The following OTOA variants were observed in gnomAD, a reference collection of about 807,000 sequenced individuals.
OTOA encodes cancer/testis antigen 108.
Under a neutral mutation model 110.8 loss-of-function variants are expected in OTOA, and 70 were observed. The ratio of observed to expected loss-of-function variants is 0.63; its 90% CI spans 0.52 to 0.77. The LOEUF (loss-of-function observed/expected upper bound fraction) is 0.77. Among genes scored for constraint, OTOA ranks in the 30% least tolerant of loss-of-function variants. OTOA has a pLI of 0.00. For missense variants in OTOA, 917 were observed against 1,075.8 expected, an observed-to-expected ratio of 0.85 and a Z score of 2.06; for synonymous variants, 373 against 431.5, an observed-to-expected ratio of 0.86 and a Z score of 1.68.
chr16:21,684,489 T>A, intron 6 of OTOA: 1 of 1,549,326 alleles, frequency 6.5e-7, no homozygotes. Flanking sequence ...CATCTGGGGT[T>A]CTAAACTTCC....
chr16:21,759,422 C>T (rs1226267416), intron 28 of OTOA, among the ~76,000 whole-genome samples: 5 of 151,430 alleles, frequency 3.3e-5, no homozygotes, highest in East Asian at 1.9e-4. Flanking sequence ...ATGGCTATGC[C>T]GTAACTGTAT....
intron 9 of OTOA, among the ~76,000 whole-genome samples, chr16:21,693,292 C>A (rs1312260704): frequency 6.6e-6 from 1 of 151,992 alleles, no homozygotes; most frequent in Non-Finnish European, 1.5e-5. Context: ...AACAAACAAA[C>A]AAAACAGCGA....
intron 9 of OTOA, among the ~76,000 whole-genome samples, chr16:21,697,029 A>G (rs1897956291): frequency 7.2e-6 from 1 of 139,676 alleles, no homozygotes; most frequent in Non-Finnish European, 1.5e-5. Context: ...AGCTGGGACT[A>G]CAGCTGGCTT....
rs1216474654 is a variant in OTOA, at chr16:21,695,885, A to AT, written c.740-1889dup. Among the ~76,000 whole-genome samples the AT allele has an allele frequency of 4.7e-3, 236 of 50,452 alleles. 8 individuals are homozygous for AT. Among genetic ancestry groups the AT allele is most frequent in the African/African-American group, 8.7e-3 (83 of 9,504 alleles). The allele number at this position is 50,452 out of a possible 152,430, so 33.1% of individuals were successfully genotyped here. A position where few individuals can be genotyped will look rare whatever the true frequency, so the allele number is the denominator to read the frequency against. ...ACTTGAGATATATATATATATATATATATATATTTTTTTTTTTTTTTTTTT... is the reference window on the plus strand; with the variant it reads ...ACTTGAGATATATATATATATATATATTATATATTTTTTTTTTTTTTTTTTT... On this transcript the variant is annotated intron_variant, in intron 9 of 28. Coordinates refer to ENST00000646100, the MANE Select transcript of OTOA (RefSeq NM_144672.4).
chr16:21,704,841 G>A (rs770557483), intron 11 of OTOA: 2 of 752,592 alleles, frequency 2.7e-6, no homozygotes, highest in Non-Finnish European at 4.9e-6. Context: ...GATCTGATTG[G>A]GTCTTGCTAC....
Position 21,671,586 on chromosome 16 carries a change from CAAAAAAA to C in OTOA, c.-4-6917_-4-6911del, listed in dbSNP as rs369010025. On this transcript the variant is annotated intron_variant, in intron 1 of 28. Coordinates refer to ENST00000646100, the MANE Select transcript of OTOA (RefSeq NM_144672.4). ...TGGGCAAGAGAGTAAGACTCCATAT[CAAAAAAA>C]AAAAAAAGAAAAAAGAAAAAAGAAA... Among the ~76,000 whole-genome samples, 7 of 78,496 alleles carry C rather than the reference CAAAAAAA, an allele frequency of 8.9e-5. No homozygotes were observed. In the East Asian group the frequency reaches 2.3e-3, roughly 25 times the overall value. 51.5% of individuals were successfully genotyped at this position (78,496 alleles called of 152,430 possible). A position where few individuals can be genotyped will look rare whatever the true frequency, so the allele number is the denominator to read the frequency against.
At chr16:21,704,317 T>A (rs998148227) in intron 11 of OTOA, among the ~76,000 whole-genome samples, 2 of 152,150 alleles carry the variant, frequency 1.3e-5, no homozygotes, top group Admixed American at 6.6e-5. Context: ...GTGATTGTAA[T>A]GTGGAAAATG....
At chr16:21,706,214 T>G (rs1898164487) in intron 12 of OTOA, among the ~76,000 whole-genome samples, 1 of 152,248 alleles carries the variant, frequency 6.6e-6, no homozygotes, top group Admixed American at 6.5e-5. Flanking sequence ...AGGACTCCCA[T>G]CTTCCTCTTC....
chr16:21,737,339 C>T (rs1250408856), intron 22 of OTOA, among the ~76,000 whole-genome samples: 1 of 152,300 alleles, frequency 6.6e-6, no homozygotes, highest in African/African-American at 2.4e-5. Flanking sequence ...ACTCTCCTGC[C>T]TCAGCCTCCT....
chr16:21,690,343 C>T (rs572358279), intron 8 of OTOA, among the ~76,000 whole-genome samples: 2 of 152,016 alleles, frequency 1.3e-5, no homozygotes, highest in Admixed American at 1.3e-4. Flanking sequence ...CTCTCCCTCC[C>T]CCACCCCACC....
At chr16:21,678,416 AT>A in intron 1 of OTOA, 94 bp from the exon 2 acceptor site, 1 of 767,388 alleles carries the variant, frequency 1.3e-6, no homozygotes, top group South Asian at 1.8e-5. Flanking sequence ...CCATATATAT[AT>A]ATATGTTTAT....
chr16:21,704,348 G>A (rs1025670863), intron 11 of OTOA, among the ~76,000 whole-genome samples: 9 of 152,060 alleles, frequency 5.9e-5, no homozygotes, highest in African/African-American at 9.7e-5. Context: ...TGTGGCTACC[G>A]GCACCTTTCT....
intron 24 of OTOA, among the ~76,000 whole-genome samples, chr16:21,749,543 A>G (rs1260228788): frequency 6.7e-6 from 1 of 150,358 alleles, no homozygotes; most frequent in African/African-American, 2.5e-5. Context: ...AAAAAAAACA[A>G]AAAAAAGCAA....
At chr16:21,716,298 G>A (rs1289875280) in intron 14 of OTOA, among the ~76,000 whole-genome samples, 1 of 152,122 alleles carries the variant, frequency 6.6e-6, no homozygotes, top group African/African-American at 2.4e-5. Context: ...TTGGCCAGGT[G>A]AGGTGGCTCA....
intron 12 of OTOA, among the ~76,000 whole-genome samples, chr16:21,705,735 T>C (rs1219584933): frequency 6.6e-6 from 1 of 151,944 alleles, no homozygotes; most frequent in Non-Finnish European, 1.5e-5. Flanking sequence ...TCACCTGAGG[T>C]CAGTTTGAGA....
chr16:21,712,775 G>A (rs1258414341), intron 13 of OTOA, among the ~76,000 whole-genome samples: 1 of 152,022 alleles, frequency 6.6e-6, no homozygotes, highest in Non-Finnish European at 1.5e-5. Context: ...AACCTGGGAG[G>A]CGGTGCTTGC....
At position 21,747,444 on chromosome 16, in the gene OTOA, A is replaced by G. The variant is rs1265793446; in HGVS notation, c.2775+2408A>G. On this transcript the variant is annotated intron_variant, in intron 24 of 28. Transcript: ENST00000646100. ...ACATTTGCATGTATCATTTGTAGTC[A>G]GTTCTTCAACTTTAGCTCCCAATCA... 5.8e-3 allele frequency: 572 copies of G among 99,364 alleles called. No individual in the cohort carries two copies. The East Asian group carries it at 0.11, about 18-fold the overall frequency. 6.2% of individuals were successfully genotyped at this position (99,364 alleles called of 1,614,324 possible). A position where few individuals can be genotyped will look rare whatever the true frequency, so the allele number is the denominator to read the frequency against.
intron 7 of OTOA, among the ~76,000 whole-genome samples, chr16:21,686,510 C>G (rs999165012): frequency 6.6e-6 from 1 of 151,960 alleles, no homozygotes; most frequent in Non-Finnish European, 1.5e-5. Context: ...CTAGGCTGGT[C>G]TCAAACTCCT....
chr16:21,699,982 C>T lies in OTOA; in HGVS notation c.841-906C>T, dbSNP rs116965907. ...AAAATAAAAAGAGTGAGTCAGTGTCCCCCCAAAATTATATATATAATTTAT... is the reference window on the plus strand; with the variant it reads ...AAAATAAAAAGAGTGAGTCAGTGTCTCCCCAAAATTATATATATAATTTAT... On this transcript the variant is annotated intron_variant, in intron 10 of 28. Coordinates refer to ENST00000646100, the MANE Select transcript of OTOA (RefSeq NM_144672.4). Among the ~76,000 whole-genome samples, 45 of 150,340 alleles carry T rather than the reference C, an allele frequency of 3.0e-4. 1 individual carries two copies. Among genetic ancestry groups the T allele is most frequent in the Admixed American group, 2.9e-3 (44 of 15,012 alleles).
Sources: allele counts gnomAD v4.1 joint callset (sites outside exome capture counted in the v4.1 genomes callset), GRCh38; gene constraint gnomAD v4.1.1; transcripts MANE v1.5; gene names NCBI Gene and HGNC (gene_info 2026-07-23, HGNC 2026-07-21).